Variants in EGFLAM observed in about 807,000 individuals in gnomAD.
EGFLAM encodes pikachurin.
In EGFLAM, 79 loss-of-function variants were observed where a neutral mutation model predicts 113.1. The ratio of observed to expected loss-of-function variants is 0.70; its 90% CI spans 0.58 to 0.84. EGFLAM has a LOEUF of 0.84. EGFLAM is among the 40% of genes least tolerant of loss of function. The pLI, the probability that EGFLAM is intolerant of heterozygous loss-of-function variation, is 0.00. For synonymous variants in EGFLAM, 504 were observed against 487.6 expected (o/e 1.03, Z -0.44); for missense variants, 1,265 against 1,291.6 (o/e 0.98, Z 0.32).
intron 3 of EGFLAM, among the ~76,000 whole-genome samples, chr5:38,347,888 T>C (rs1207522855): frequency 6.6e-6 from 1 of 152,124 alleles, no homozygotes; most frequent in Non-Finnish European, 1.5e-5. Context: ...GTCATATTTA[T>C]GAGGACTTGG....
rs1443985876 is a variant in EGFLAM, at chr5:38,448,361, A to T, written c.2525A>T (p.Asn842Ile). 3 of 1,614,134 alleles carry T rather than the reference A, an allele frequency of 1.9e-6. No individual in the cohort carries two copies. ...GGCCGCAGTTACCTGACGTATGACA[A>T]CCCAGATATCTTGAAGAGGTAATAA... ...FIGRSYLTYD[N>I]PDILKRVSGS... Residue 842 changes from asparagine to isoleucine, a missense_variant, in exon 18 of 22, where the codon AAC (asparagine) becomes ATC (isoleucine). Transcript: ENST00000322350.
chr5:38,343,096 T>C (rs904074858), intron 3 of EGFLAM, among the ~76,000 whole-genome samples: 1 of 152,106 alleles, frequency 6.6e-6, no homozygotes, highest in African/African-American at 2.4e-5. Context: ...TCTGAATTTC[T>C]CTTCAACTAT....
Position 38,258,690 on chromosome 5 carries a change from C to A in EGFLAM, c.-65C>A. On this transcript the variant is annotated 5_prime_UTR_variant, in exon 1 of 22. Coordinates refer to ENST00000322350, the MANE Select transcript of EGFLAM (RefSeq NM_152403.4). ...CGTTGGGGCCGCGTCCCCCACGCGC[C>A]CCCGGAGACGCCCTTTCCGTGTGCG... The A allele has an allele frequency of 6.5e-7, 1 of 1,538,312 alleles. No individual in the cohort carries two copies. The highest frequency in any genetic ancestry group is 8.8e-7 in the Non-Finnish European group (1 of 1,132,696).
At position 38,458,328 on chromosome 5, in the gene EGFLAM, G is replaced by T; in HGVS notation, c.2705G>T (p.Gly902Val). ...TGCCTTAGCTATAACCTGGGCAGTG[G>T]TGTGGCATCCATCATGGTGAATGGC... ...ALVFSYNLGS[G>V]VASIMVNGSF... The change falls in exon 20 of 22, where the codon GGT becomes GTT. Residue 902 changes from glycine (G) to valine (V), a missense_variant. Transcript: ENST00000322350. 1 of 1,614,044 alleles carries T rather than the reference G, an allele frequency of 6.2e-7. No individual in the cohort carries two copies. Among genetic ancestry groups the T allele is most frequent in the Non-Finnish European group, 8.5e-7 (1 of 1,179,982 alleles).
chr5:38,403,539 C>A, intron 6 of EGFLAM: 1 of 295,952 alleles, frequency 3.4e-6, no homozygotes, highest in Non-Finnish European at 6.6e-6. Context: ...GACAGTGAAT[C>A]TGACAACTGA....
At chr5:38,313,065 GTGA>G (rs764343435) in intron 1 of EGFLAM, among the ~76,000 whole-genome samples, 1 of 152,132 alleles carries the variant, frequency 6.6e-6, no homozygotes, top group Non-Finnish European at 1.5e-5. Flanking sequence ...GCCAGCCTGG[GTGA>G]TGGATGGAGC....
chr5:38,401,016 T>C (rs925888906), intron 6 of EGFLAM: 1 of 152,144 alleles, frequency 6.6e-6, no homozygotes, highest in Non-Finnish European at 1.5e-5. Context: ...TTCAAAGAAA[T>C]AGGTTACAAA....
intron 6 of EGFLAM, among the ~76,000 whole-genome samples, chr5:38,394,559 G>A (rs558166357): frequency 3.3e-4 from 50 of 151,694 alleles, no homozygotes; most frequent in Middle Eastern, 3.4e-3. Context: ...ACAGGCACCC[G>A]CCACCACGCC....
chr5:38,380,993 G>A (rs962114786), intron 6 of EGFLAM, among the ~76,000 whole-genome samples: 1 of 152,098 alleles, frequency 6.6e-6, no homozygotes, highest in African/African-American at 2.4e-5. Context: ...TCAGTCGGTC[G>A]GCTGATATTT....
intron 1 of EGFLAM, among the ~76,000 whole-genome samples, chr5:38,336,119 C>A (rs139752018): frequency 6.6e-6 from 1 of 151,956 alleles, no homozygotes; most frequent in African/African-American, 2.4e-5. Flanking sequence ...TATTATGGCA[C>A]ATGTGTTATA....
At chr5:38,413,624 T>C (rs2112148732) in intron 11 of EGFLAM, among the ~76,000 whole-genome samples, 1 of 152,298 alleles carries the variant, frequency 6.6e-6, no homozygotes, top group East Asian at 1.9e-4. Context: ...ACTGAGCCTA[T>C]AATTATAATC....
intron 1 of EGFLAM, among the ~76,000 whole-genome samples, chr5:38,331,405 C>T (rs1739038458): frequency 6.6e-6 from 1 of 152,172 alleles, no homozygotes; most frequent in African/African-American, 2.4e-5. Context: ...CTATTCATCC[C>T]TTGCTCTCTC....
chr5:38,393,844 G>A (rs757988376), intron 6 of EGFLAM, among the ~76,000 whole-genome samples: 62 of 152,248 alleles, frequency 4.1e-4, no homozygotes, highest in Non-Finnish European at 7.5e-4. Context: ...TAGAGGGTCA[G>A]GGTGGCGGCC....
intron 1 of EGFLAM, among the ~76,000 whole-genome samples, chr5:38,309,548 T>G (rs1375666282): frequency 6.6e-6 from 1 of 152,160 alleles, no homozygotes; most frequent in Admixed American, 6.5e-5. Flanking sequence ...CTCTCTCTCC[T>G]TTTCTGTTTT....
At chr5:38,459,220 G>T (rs1412433836) in intron 20 of EGFLAM, among the ~76,000 whole-genome samples, 2 of 151,906 alleles carry the variant, frequency 1.3e-5, no homozygotes, top group African/African-American at 2.4e-5. Flanking sequence ...GCCAGGGCTG[G>T]TCTCAACCTC....
At chr5:38,326,792 C>T (rs560814109) in intron 1 of EGFLAM, among the ~76,000 whole-genome samples, 3 of 144,186 alleles carry the variant, frequency 2.1e-5, no homozygotes, top group African/African-American at 5.2e-5. Flanking sequence ...GCGCCTGGCC[C>T]GTAAGGGTAT....
chr5:38,410,625 C>A (rs995600289), intron 10 of EGFLAM, among the ~76,000 whole-genome samples: 2 of 152,114 alleles, frequency 1.3e-5, no homozygotes, highest in African/African-American at 4.8e-5. Context: ...TGGAAGTGGA[C>A]CAGAAAGGTC....
chr5:38,451,680 ACT>A, intron 19 of EGFLAM: 1 of 564,354 alleles, frequency 1.8e-6, no homozygotes. Flanking sequence ...CTGACCCACC[ACT>A]CTTTTTTGTA....
At chr5:38,283,085 C>T (rs1049919251) in intron 1 of EGFLAM, among the ~76,000 whole-genome samples, 5 of 152,172 alleles carry the variant, frequency 3.3e-5, no homozygotes, top group African/African-American at 1.2e-4. Context: ...GATCTGCCCA[C>T]CTAGGCCTCC....
Sources: allele counts gnomAD v4.1 joint callset (sites outside exome capture counted in the v4.1 genomes callset), GRCh38; gene constraint gnomAD v4.1.1; transcripts MANE v1.5; gene names NCBI Gene and HGNC (gene_info 2026-07-23, HGNC 2026-07-21).